The following SNX13 variants were observed in gnomAD, a reference collection of about 807,000 sequenced individuals.
The protein encoded by SNX13 is sorting nexin-13.
A neutral mutation model predicts 133.6 loss-of-function variants in SNX13; 45 were observed. The observed-to-expected ratio is 0.34, with a 90% CI of 0.27 to 0.43. The LOEUF (loss-of-function observed/expected upper bound fraction) is 0.43. SNX13 is among the 20% of genes least tolerant of loss of function. The pLI is 1.00. For synonymous variants in SNX13, 414 were observed against 373.9 expected (o/e 1.11, Z -1.24); for missense variants, 1,032 against 1,145.1 (o/e 0.90, Z 1.43).
intron 11 of SNX13, among the ~76,000 whole-genome samples, chr7:17,848,528 G>GT (rs1195575029): frequency 1.3e-5 from 2 of 152,204 alleles, no homozygotes; most frequent in African/African-American, 4.8e-5. Flanking sequence ...AGAGAGCGCT[G>GT]TAACACACCT....
chr7:17,817,611 T>G (rs1430908688), intron 18 of SNX13, among the ~76,000 whole-genome samples: 1 of 152,218 alleles, frequency 6.6e-6, no homozygotes, highest in Admixed American at 6.5e-5. Flanking sequence ...AGCAGTTTTT[T>G]ACTCCAGTAT....
intron 9 of SNX13, among the ~76,000 whole-genome samples, chr7:17,856,856 A>C (rs940094448): frequency 2.0e-5 from 3 of 151,522 alleles, no homozygotes; most frequent in African/African-American, 4.8e-5. Flanking sequence ...CACCTCAAGG[A>C]ACTAGAAAAG....
chr7:17,938,832 T>A (rs986927530), intron 1 of SNX13, among the ~76,000 whole-genome samples: 33 of 152,232 alleles, frequency 2.2e-4, no homozygotes, highest in Admixed American at 2.6e-4. Context: ...ACACTTATTA[T>A]AAGGCTAACT....
At chr7:17,927,168 TTATA>T (rs1800846175) in intron 1 of SNX13, among the ~76,000 whole-genome samples, 1 of 150,576 alleles carries the variant, frequency 6.6e-6, no homozygotes, top group Non-Finnish European at 1.5e-5. Context: ...ACATATATGT[TTATA>T]TATTATGCGT....
chr7:17,927,290 T>G (rs748808196), intron 1 of SNX13, among the ~76,000 whole-genome samples: 7 of 151,800 alleles, frequency 4.6e-5, no homozygotes, highest in Non-Finnish European at 7.4e-5. Context: ...TTGCCCAGGC[T>G]AGAGTGCAGT....
At chr7:17,842,856 C>T (rs1429273322) in intron 12 of SNX13, among the ~76,000 whole-genome samples, 1 of 151,898 alleles carries the variant, frequency 6.6e-6, no homozygotes, top group African/African-American at 2.4e-5. Context: ...ATTAAGCTGG[C>T]ATAATTTCAA....
chr7:17,861,572 G>C (rs553690241), intron 9 of SNX13, among the ~76,000 whole-genome samples: 1 of 152,130 alleles, frequency 6.6e-6, no homozygotes. Flanking sequence ...AAGTGAGCTC[G>C]AGGATGTGCA....
intron 18 of SNX13, among the ~76,000 whole-genome samples, chr7:17,819,112 C>T (rs1164820097): frequency 6.6e-6 from 1 of 152,100 alleles, no homozygotes; most frequent in Non-Finnish European, 1.5e-5. Flanking sequence ...GCAGCTCAGG[C>T]CATTTCCAAA....
At chr7:17,839,496 T>C (rs1431509496) in intron 13 of SNX13, among the ~76,000 whole-genome samples, 1 of 151,956 alleles carries the variant, frequency 6.6e-6, no homozygotes, top group African/African-American at 2.4e-5. Context: ...TAAATATATA[T>C]ACGTACTCTC....
intron 5 of SNX13, among the ~76,000 whole-genome samples, chr7:17,877,207 TAAA>T (rs1012828449): frequency 1.3e-5 from 2 of 151,842 alleles, no homozygotes; most frequent in African/African-American, 4.8e-5. Flanking sequence ...CAAATTAACA[TAAA>T]AAGGTGGATC....
chr7:17,921,450 A>C (rs1800119480), intron 1 of SNX13, among the ~76,000 whole-genome samples: 1 of 152,260 alleles, frequency 6.6e-6, no homozygotes, highest in Admixed American at 6.5e-5. Flanking sequence ...CAAAACAAAC[A>C]CTTCCATATC....
intron 1 of SNX13, among the ~76,000 whole-genome samples, chr7:17,911,510 A>G (rs1168908342): frequency 6.6e-6 from 1 of 151,946 alleles, no homozygotes; most frequent in Non-Finnish European, 1.5e-5. Context: ...GTAGTGGTGT[A>G]TGTCTGTAGT....
chr7:17,924,028 T>C (rs1488147986), intron 1 of SNX13, among the ~76,000 whole-genome samples: 1 of 152,238 alleles, frequency 6.6e-6, no homozygotes, highest in African/African-American at 2.4e-5. Flanking sequence ...TCTATTTATC[T>C]TGTATATATG....
intron 1 of SNX13, 25 bp from the exon 2 acceptor site, chr7:17,897,471 A>T (rs780230258): frequency 1.6e-6 from 2 of 1,285,664 alleles, no homozygotes; most frequent in Admixed American, 4.8e-5. Context: ...AAATATAAGT[A>T]AATTAGTAAA....
At chr7:17,854,465 G>GT (rs933581244) in intron 9 of SNX13, among the ~76,000 whole-genome samples, 25 of 152,046 alleles carry the variant, frequency 1.6e-4, no homozygotes, top group Non-Finnish European at 2.4e-4. Flanking sequence ...ATCACACTGT[G>GT]TTTTTTTTAA....
intron 18 of SNX13, among the ~76,000 whole-genome samples, chr7:17,819,358 C>T (rs1235585114): frequency 6.6e-6 from 1 of 152,050 alleles, no homozygotes; most frequent in East Asian, 1.9e-4. Flanking sequence ...CCTCCCACCT[C>T]AGCCTCCTGA....
chr7:17,896,495 C>T (rs1366704979), intron 2 of SNX13, among the ~76,000 whole-genome samples: 5 of 152,224 alleles, frequency 3.3e-5, no homozygotes, highest in Admixed American at 3.3e-4. Context: ...TTTATATATG[C>T]TATTCAATTC....
At chr7:17,852,153 C>A (rs1791291389) in intron 9 of SNX13, among the ~76,000 whole-genome samples, 1 of 152,196 alleles carries the variant, frequency 6.6e-6, no homozygotes, top group Admixed American at 6.5e-5. Context: ...GCGGGCGGAT[C>A]ACCTGAAGTC....
At chr7:17,851,442 A>C (rs1256464067) in intron 9 of SNX13, among the ~76,000 whole-genome samples, 2 of 152,240 alleles carry the variant, frequency 1.3e-5, no homozygotes, top group East Asian at 3.8e-4. Flanking sequence ...AGCCAAAATC[A>C]GAAAAAAGGA....
Sources: allele counts gnomAD v4.1 joint callset (sites outside exome capture counted in the v4.1 genomes callset), GRCh38; gene constraint gnomAD v4.1.1; transcripts MANE v1.5; gene names NCBI Gene and HGNC (gene_info 2026-07-23, HGNC 2026-07-21).